Variants in SPATA6L observed in about 807,000 individuals in gnomAD.
SPATA6L encodes the protein spermatogenesis associated 6 like.
SPATA6L carries 68 observed loss-of-function variants against 49.2 expected under a neutral mutation model. The ratio of observed to expected loss-of-function variants is 1.38; its 90% CI spans 1.14 to 1.69. The LOEUF is 1.69. Among genes scored for constraint, SPATA6L ranks in the 40% most tolerant of loss-of-function variants. SPATA6L has a pLI of 0.00. For synonymous variants in SPATA6L, 198 were observed against 165.7 expected (o/e 1.19, Z -1.50); for missense variants, 668 against 464.3 (o/e 1.44, Z -4.03).
In SPATA6L at chr9:4,622,448, T is replaced by C. The variant is rs1050765615; in HGVS notation, c.732A>G (p.Arg244=). The C allele has an allele frequency of 2.0e-5, 32 of 1,614,000 alleles. No individual in the cohort carries two copies. The highest frequency in any genetic ancestry group is 2.7e-5 in the Non-Finnish European group (32 of 1,179,940). The stretch of plus-strand genomic sequence containing the variant: ...ACGGAAAGTCTGAAAACTTAGATTT[T>C]CTTCTAGACCTCCTCAAATGATGCT... The part of the protein sequence containing the change: ...ISEHHLRRSR[R]KSKFSDFPFP... The change falls in exon 7 of 12, where the codon AGA becomes AGG. Residue 244 remains arginine, a synonymous_variant. Coordinates refer to ENST00000682582, the MANE Select transcript of SPATA6L (RefSeq NM_001353486.2).
intron 9 of SPATA6L, among the ~76,000 whole-genome samples, chr9:4,608,888 T>C (rs1262458472): frequency 6.6e-6 from 1 of 151,808 alleles, no homozygotes; most frequent in Non-Finnish European, 1.5e-5. Flanking sequence ...ACAAAATAGA[T>C]AGACCACTAG....
At position 4,635,412 on chromosome 9, in the gene SPATA6L, T is replaced by A; in HGVS notation, c.227-13A>T. The A allele has an allele frequency of 6.4e-7, 1 of 1,569,862 alleles. No individual in the cohort carries two copies. The highest frequency in any genetic ancestry group is 2.1e-5 in the Admixed American group (1 of 47,204). ...AACTCATCCCACACTAGAAAGAAAA[T>A]AGAAAAAGCATAAATATCTGTATTT... On this transcript the variant is annotated splice_polypyrimidine_tract_variant and intron_variant, in intron 3 of 11. Transcript: ENST00000682582.
At position 4,592,920 on chromosome 9, in the gene SPATA6L, C is replaced by T. The variant is rs560306766; in HGVS notation, c.*254+3515G>A. Among the ~76,000 whole-genome samples, 8 of 152,226 alleles carry T rather than the reference C, an allele frequency of 5.3e-5. No homozygotes were observed. The South Asian group carries it at 1.2e-3, about 24-fold the overall frequency. On this transcript the variant is annotated intron_variant and NMD_transcript_variant, in intron 13 of 13. Coordinates refer to the SPATA6L transcript ENST00000461761. ...GTACACCTTTAGTATGCCAATCATA[C>T]CTGAATAAAGTGGTTTAAGAAAAAA...
At chr9:4,627,098 A>T (rs1045232280) in intron 5 of SPATA6L, 11 of 152,446 alleles carry the variant, frequency 7.2e-5, no homozygotes, top group African/African-American at 2.4e-4. Context: ...GTGGTGGCTC[A>T]TGCCTGTAAT....
At position 4,625,402 on chromosome 9, in the gene SPATA6L, G is replaced by T. The variant is rs759804518; in HGVS notation, c.594C>A (p.Asp198Glu). ...TTCCAAGGTTCAACTGAGCTGGCTG[G>T]TCCTGGAAGAAATGCCTGGTAGAAT... Reference protein sequence around the residue: ...SQYSTRHFFQDQPAQLNLGNN... With the variant: ...SQYSTRHFFQEQPAQLNLGNN... The change falls in exon 6 of 12, where the codon GAC (aspartate) becomes GAA (glutamate). Residue 198 changes from aspartate (D) to glutamate (E), a missense_variant. Asp to Glu is a conservative substitution (Grantham distance 45). Transcript: ENST00000682582. 5 of 1,613,968 alleles carry T rather than the reference G, an allele frequency of 3.1e-6. No individual in the cohort carries two copies. Among genetic ancestry groups the T allele is most frequent in the Middle Eastern group, 1.6e-4 (1 of 6,084 alleles).
chr9:4,626,420 TC>T (rs1366415977), intron 5 of SPATA6L: 1 of 1,303,882 alleles, frequency 7.7e-7, no homozygotes, highest in East Asian at 5.5e-5. Context: ...CTCATCCAAG[TC>T]CCACCTTCGA....
intron 9 of SPATA6L, among the ~76,000 whole-genome samples, chr9:4,610,148 G>A (rs1450784426): frequency 6.6e-6 from 1 of 152,066 alleles, no homozygotes; most frequent in East Asian, 1.9e-4. Context: ...AATAAAAGAG[G>A]ATACAAACAA....
chr9:4,593,392 C>T (rs536615903), downstream of SPATA6L, among the ~76,000 whole-genome samples: 1 of 152,266 alleles, frequency 6.6e-6, no homozygotes, highest in African/African-American at 2.4e-5. Context: ...TATACAATAT[C>T]ATTGTATCCC....
intron 11 of SPATA6L, among the ~76,000 whole-genome samples, chr9:4,603,607 AT>A (rs2130076497): frequency 6.6e-6 from 1 of 152,364 alleles, no homozygotes; most frequent in African/African-American, 2.4e-5. Flanking sequence ...AATACTGCGT[AT>A]AAAGCAGTGA....
intron 3 of SPATA6L, among the ~76,000 whole-genome samples, chr9:4,635,764 C>G (rs373998562): frequency 1.3e-5 from 2 of 152,218 alleles, no homozygotes; most frequent in African/African-American, 4.8e-5. Flanking sequence ...TAGCATTGTT[C>G]ACACAACTTT....
chr9:4,596,328 G>C (rs748415957), downstream of SPATA6L: 10 of 152,204 alleles, frequency 6.6e-5, no homozygotes, highest in Admixed American at 1.3e-4. Context: ...GCTGGGAGGA[G>C]ACCCAGTGAA....
At chr9:4,619,715 C>T (rs546970326) in intron 7 of SPATA6L, among the ~76,000 whole-genome samples, 53 of 151,962 alleles carry the variant, frequency 3.5e-4, no homozygotes, top group African/African-American at 1.1e-3. Context: ...TAAATTGAGA[C>T]AACAAATATG....
intron 9 of SPATA6L, among the ~76,000 whole-genome samples, chr9:4,613,799 G>C (rs1400629591): frequency 6.6e-6 from 1 of 152,146 alleles, no homozygotes; most frequent in Non-Finnish European, 1.5e-5. Context: ...GGCCAGGCTG[G>C]TCTTGAATTC....
At chr9:4,625,640 T>C in intron 5 of SPATA6L, 74 bp from the exon 6 acceptor site, 1 of 1,062,734 alleles carries the variant, frequency 9.4e-7, no homozygotes, top group South Asian at 2.5e-5. Flanking sequence ...AATATAACTG[T>C]ATTTAATTGA....
At position 4,626,853 on chromosome 9, in the gene SPATA6L, A is replaced by T. The variant is rs1041046366; in HGVS notation, c.430-1287T>A. On this transcript the variant is annotated intron_variant, in intron 5 of 11. Transcript: ENST00000682582. Reference sequence around the variant, plus strand: ...AGGACATGAGAAAATGTTTATCATAAATTAAGTAAAAAAAAGAAGGGTACA... The same window carrying T: ...AGGACATGAGAAAATGTTTATCATATATTAAGTAAAAAAAAGAAGGGTACA... 1.5e-5 allele frequency: 3 copies of T among 197,902 alleles called. No homozygotes were observed. In the Admixed American group the frequency reaches 1.6e-4, roughly 11 times the overall value. 12.3% of individuals were successfully genotyped at this position (197,902 alleles called of 1,614,324 possible).
chr9:4,601,580 A>C (rs1165230569), intron 11 of SPATA6L, among the ~76,000 whole-genome samples: 1 of 152,176 alleles, frequency 6.6e-6, no homozygotes, highest in East Asian at 1.9e-4. Context: ...TTGGCTCAAG[A>C]ATCCCTGACC....
At chr9:4,596,025 AC>A (rs1822226088), downstream of SPATA6L, among the ~76,000 whole-genome samples, 1 of 152,118 alleles carries the variant, frequency 6.6e-6, no homozygotes, top group Admixed American at 6.5e-5. Flanking sequence ...CCCATCACTC[AC>A]CATTATTTCA....
chr9:4,611,059 A>G (rs1312198436), intron 9 of SPATA6L, among the ~76,000 whole-genome samples: 17 of 149,644 alleles, frequency 1.1e-4, no homozygotes, highest in Non-Finnish European at 2.1e-4. Context: ...GCTCATCATC[A>G]CTGGCCATCA....
In SPATA6L at chr9:4,622,308, G is replaced by A. The variant is rs1564187523; in HGVS notation, c.772+100C>T. The A allele has an allele frequency of 1.7e-5, 13 of 760,224 alleles. No homozygotes were observed. The East Asian group carries it at 3.3e-4, about 19-fold the overall frequency. 47.1% of individuals were successfully genotyped at this position (760,224 alleles called of 1,614,324 possible). On this transcript the variant is annotated intron_variant, in intron 7 of 11. Transcript: ENST00000682582. ...AGAGTACTTGAGAATTAGGCTCACA[G>A]TTCTGAACATCACCTGTGATTCCTC...
Sources: gnomAD v4.1 joint callset for allele counts (sites outside exome capture counted in the v4.1 genomes callset) on GRCh38, gnomAD v4.1.1 for gene constraint, MANE v1.5 for transcripts, NCBI Gene and HGNC (gene_info 2026-07-23, HGNC 2026-07-21) for gene names.